Variants in RIMS1 observed in about 807,000 individuals in gnomAD.
RIMS1 encodes regulating synaptic membrane exocytosis protein 1.
In RIMS1, 83 loss-of-function variants were observed where a neutral mutation model predicts 214.1. The observed-to-expected ratio is 0.39, with a 90% confidence interval of 0.32 to 0.47. The LOEUF (loss-of-function observed/expected upper bound fraction) is 0.47. Among genes scored for constraint, RIMS1 ranks in the 20% least tolerant of loss-of-function variants. RIMS1 has a pLI of 0.99. For missense variants in RIMS1, 2,050 were observed against 2,161.8 expected (o/e 0.95, Z 1.03); for synonymous variants, 793 against 786.8 (o/e 1.01, Z -0.13).
intron 6 of RIMS1, among the ~76,000 whole-genome samples, chr6:72,186,143 T>C (rs2049062736): frequency 6.6e-6 from 1 of 152,258 alleles, no homozygotes; most frequent in Non-Finnish European, 1.5e-5. Flanking sequence ...TAAGGTTTTC[T>C]GGAGTCAAAA....
At chr6:72,253,371 TTAAG>T (rs1158627916) in intron 16 of RIMS1, among the ~76,000 whole-genome samples, 12 of 152,178 alleles carry the variant, frequency 7.9e-5, no homozygotes, top group African/African-American at 2.4e-4. Context: ...TTAAGAAAGA[TTAAG>T]TATTAATTTG....
At chr6:72,390,526 G>T in intron 29 of RIMS1, 72 bp from the exon 30 acceptor site, 1 of 1,409,714 alleles carries the variant, frequency 7.1e-7, no homozygotes, top group Non-Finnish European at 9.7e-7. Flanking sequence ...TATTGTATTT[G>T]CAGGATCAAT....
In RIMS1 at chr6:72,401,304, A is replaced by G. The variant is rs903083911; in HGVS notation, c.*590A>G. On this transcript the variant is annotated 3_prime_UTR_variant, in exon 34 of 34. Transcript: ENST00000521978. ...CTTTTTTCCAAAAGCACCAAAAAAA[A>G]GGGCTGAAGTAGTCTCTGTAGCATC... 3.3e-5 allele frequency: 5 copies of G among 152,974 alleles called. No individual in the cohort carries two copies. The highest frequency in any genetic ancestry group is 1.3e-4 in the Admixed American group (2 of 15,330). 9.5% of individuals were successfully genotyped at this position (152,974 alleles called of 1,614,324 possible). A position where few individuals can be genotyped will look rare whatever the true frequency, so the allele number is the denominator to read the frequency against.
chr6:72,029,345 A>C (rs1817428646), intron 2 of RIMS1, among the ~76,000 whole-genome samples: 1 of 152,192 alleles, frequency 6.6e-6, no homozygotes, highest in Admixed American at 6.6e-5. Context: ...TATAGTCTGA[A>C]TGTGTCTCCT....
At chr6:72,099,343 A>G (rs765347169) in intron 3 of RIMS1, among the ~76,000 whole-genome samples, 7 of 152,218 alleles carry the variant, frequency 4.6e-5, no homozygotes, top group Non-Finnish European at 1.0e-4. Flanking sequence ...TTAAAGGAAC[A>G]AAATAAAAGA....
chr6:72,079,965 G>A (rs569818168), intron 2 of RIMS1, among the ~76,000 whole-genome samples: 88 of 150,272 alleles, frequency 5.9e-4, no homozygotes, highest in Non-Finnish European at 9.2e-4. Flanking sequence ...GGCTGAGCAC[G>A]GTGGCTCATT....
intron 16 of RIMS1, among the ~76,000 whole-genome samples, chr6:72,253,346 A>G (rs2074310621): frequency 1.3e-5 from 2 of 152,282 alleles, no homozygotes; most frequent in African/African-American, 4.8e-5. Flanking sequence ...TATATGTTTT[A>G]ATACAATAAT....
intron 2 of RIMS1, among the ~76,000 whole-genome samples, chr6:72,033,483 T>A (rs1417890608): frequency 6.6e-6 from 1 of 152,030 alleles, no homozygotes; most frequent in Non-Finnish European, 1.5e-5. Flanking sequence ...AAATTGCCAA[T>A]TTTTTTTCCT....
chr6:71,971,219 G>A (rs984185993), intron 2 of RIMS1, among the ~76,000 whole-genome samples: 4 of 152,160 alleles, frequency 2.6e-5, no homozygotes, highest in African/African-American at 9.7e-5. Context: ...GGATGTGTGT[G>A]TATAGATAAT....
At chr6:72,274,619 A>T (rs1353325946) in intron 23 of RIMS1, among the ~76,000 whole-genome samples, 187 bp downstream of exon 23, 2 of 152,250 alleles carry the variant, frequency 1.3e-5, no homozygotes, top group Non-Finnish European at 2.9e-5. Context: ...TAGCATACAA[A>T]TGGCAGAGTT....
At chr6:72,262,699 C>A in intron 19 of RIMS1, 2 of 796,430 alleles carry the variant, frequency 2.5e-6, no homozygotes, top group Non-Finnish European at 3.0e-6. Context: ...ATATAAATAA[C>A]CACAACTTTA....
At chr6:72,088,827 A>G (rs1835384617) in intron 2 of RIMS1, among the ~76,000 whole-genome samples, 1 of 152,004 alleles carries the variant, frequency 6.6e-6, no homozygotes. Flanking sequence ...CTATTTTTTA[A>G]ATTTCCTGGT....
At chr6:72,263,491 A>G in intron 19 of RIMS1, 2 of 984,030 alleles carry the variant, frequency 2.0e-6, no homozygotes, top group Non-Finnish European at 2.4e-6. Flanking sequence ...CAGGAACTTG[A>G]ACATTCAGAC....
At position 72,296,956 on chromosome 6, in the gene RIMS1, A is replaced by G. The variant is rs550212382; in HGVS notation, c.3850+4910A>G. On this transcript the variant is annotated intron_variant, in intron 26 of 33. Transcript: ENST00000521978. ...GTTGGTGTATCCTATTTTAGTAAGT[A>G]CAAATACCAAATATATTATTTCTCA... 2.3e-3 allele frequency among the ~76,000 whole-genome samples: 352 copies of G among 152,014 alleles called. 1 individual carries two copies. Among genetic ancestry groups the G allele is most frequent in the South Asian group, 0.023 (110 of 4,826 alleles).
intron 22 of RIMS1, chr6:72,266,371 GA>G (rs2080533421): frequency 2.6e-6 from 1 of 385,240 alleles, no homozygotes; most frequent in Admixed American, 3.7e-5. Flanking sequence ...TCAGTATGCT[GA>G]TAATGTTATA....
At chr6:72,212,633 A>G (rs2054019488) in intron 6 of RIMS1, among the ~76,000 whole-genome samples, 1 of 152,182 alleles carries the variant, frequency 6.6e-6, no homozygotes, top group African/African-American at 2.4e-5. Context: ...AAAATCCTTT[A>G]TTTAGCCTTC....
chr6:72,293,073 A>T (rs1163111221), intron 26 of RIMS1, among the ~76,000 whole-genome samples: 1 of 152,050 alleles, frequency 6.6e-6, no homozygotes, highest in East Asian at 1.9e-4. Flanking sequence ...ATTGTTTCAA[A>T]GACTGATGTG....
chr6:72,369,400 C>G (rs150327121), intron 29 of RIMS1, among the ~76,000 whole-genome samples: 46 of 152,094 alleles, frequency 3.0e-4, no homozygotes, highest in African/African-American at 1.0e-3. Context: ...CCCAGTGAAG[C>G]AGAATCTGTA....
At chr6:71,990,035 C>CTGAT (rs1801129974) in intron 2 of RIMS1, among the ~76,000 whole-genome samples, 1 of 152,220 alleles carries the variant, frequency 6.6e-6, no homozygotes, top group Admixed American at 6.5e-5. Flanking sequence ...GAAGCCATCT[C>CTGAT]TGATTTCTGT....
Sources: gnomAD v4.1 joint callset for allele counts (sites outside exome capture counted in the v4.1 genomes callset) on GRCh38, gnomAD v4.1.1 for gene constraint, MANE v1.5 for transcripts, NCBI Gene and HGNC (gene_info 2026-07-23, HGNC 2026-07-21) for gene names.